Variants in LTN1 observed in about 807,000 individuals in gnomAD.
LTN1 encodes the protein E3 ubiquitin-protein ligase listerin.
LTN1 carries 88 observed loss-of-function variants against 201.2 expected under a neutral mutation model. The ratio of observed to expected loss-of-function variants is 0.44; its 90% confidence interval spans 0.37 to 0.52. LTN1 has a LOEUF of 0.52. LTN1 is among the 20% of genes least tolerant of loss of function. The probability of loss-of-function intolerance (pLI) is 0.00; values close to 1 mark genes in which losing one functional copy is unlikely to be tolerated. For synonymous variants in LTN1, 645 were observed against 713.5 expected (o/e 0.90, Z 1.53); for missense variants, 1,752 against 2,038.7 (o/e 0.86, Z 2.71).
intron 11 of LTN1, among the ~76,000 whole-genome samples, chr21:28,964,219 A>C (rs963303645): frequency 6.6e-6 from 1 of 152,194 alleles, no homozygotes; most frequent in Non-Finnish European, 1.5e-5. Flanking sequence ...TGCTACAGAG[A>C]AATCTTTCAT....
chr21:28,931,950 C>T (rs1248977409), intron 28 of LTN1, among the ~76,000 whole-genome samples: 1 of 152,024 alleles, frequency 6.6e-6, no homozygotes, highest in African/African-American at 2.4e-5. Context: ...TTGCAGTGAG[C>T]TGAGATCATG....
At position 28,981,180 on chromosome 21, in the gene LTN1, T is replaced by C; in HGVS notation, c.749A>G (p.Lys250Arg). Reference sequence around the variant, plus strand: ...ATTCTGTGATAAAAGAGACTTAAATTTCTCCTCCAGAGAATCAAGCTCATT... The same window carrying C: ...ATTCTGTGATAAAAGAGACTTAAATCTCTCCTCCAGAGAATCAAGCTCATT... Reference protein sequence around the residue: ...PDNELDSLEEKFKSLLSQNKF... With the variant: ...PDNELDSLEERFKSLLSQNKF... Residue 250 changes from lysine to arginine, a missense_variant, in exon 6 of 30, where the codon AAA becomes AGA. Lys to Arg is a conservative substitution (Grantham distance 26). This residue lies in a region of LTN1 where 280 missense variants were observed against 375.7 expected (regional missense o/e 0.75). Transcript: ENST00000361371. The C allele has an allele frequency of 6.3e-7, 1 of 1,597,316 alleles. No individual in the cohort carries two copies. The highest frequency in any genetic ancestry group is 8.5e-7 in the Non-Finnish European group (1 of 1,175,266).
intron 18 of LTN1, among the ~76,000 whole-genome samples, chr21:28,950,765 T>C (rs6516882): frequency 0.31 from 46,508 of 152,130 alleles, 7,264 homozygotes; most frequent in Middle Eastern, 0.34. Flanking sequence ...CCTCTCACTT[T>C]GGCCTTCCAA....
chr21:28,959,667 C>T lies in LTN1; in HGVS notation c.2384G>A (p.Arg795Lys). The change falls in exon 13 of 30, where the codon AGA becomes AAA. Residue 795 changes from arginine to lysine, a missense_variant. This residue lies in a region of LTN1 where 1,211 missense variants were observed against 1,312.8 expected (regional missense o/e 0.92). Transcript: ENST00000361371. ...AGTTTCATGAAGTCTAACAATGATT[C>T]TTTCAACATATACGTCTCCAATCAA... is the stretch of plus-strand genomic sequence containing the variant. Reference protein sequence around the residue: ...DYLIGDVYVERIIVRLHETLF... With the variant: ...DYLIGDVYVEKIIVRLHETLF... The T allele has an allele frequency of 6.2e-7, 1 of 1,612,756 alleles. No homozygotes were observed. The highest frequency in any genetic ancestry group is 8.5e-7 in the Non-Finnish European group (1 of 1,179,384).
intron 13 of LTN1, among the ~76,000 whole-genome samples, chr21:28,959,123 G>A (rs1181112221): frequency 1.3e-5 from 2 of 152,014 alleles, no homozygotes; most frequent in South Asian, 2.1e-4. Flanking sequence ...ATAATAAAGG[G>A]ATATTATTAT....
At chr21:28,990,947 C>T (rs2084740170) in intron 1 of LTN1, among the ~76,000 whole-genome samples, 1 of 152,062 alleles carries the variant, frequency 6.6e-6, no homozygotes, top group African/African-American at 2.4e-5. Flanking sequence ...TTAAAAAAGT[C>T]CCAGCCTGGG....
chr21:28,977,249 CT>C (rs1356360939), intron 6 of LTN1, among the ~76,000 whole-genome samples: 2 of 151,988 alleles, frequency 1.3e-5, no homozygotes, highest in East Asian at 3.9e-4. Context: ...TGGCAGGCAC[CT>C]GTAATCCCAG....
In LTN1 at chr21:28,965,855, C is replaced by G. The variant is rs1391599165; in HGVS notation, c.2163+10G>C. 7.1e-7 allele frequency: 1 copy of G among 1,414,810 alleles called. No individual in the cohort carries two copies. Among genetic ancestry groups the G allele is most frequent in the South Asian group, 1.3e-5 (1 of 77,840 alleles). The allele number at this position is 1,414,810 out of a possible 1,614,324, so 87.6% of individuals were successfully genotyped here. ...ACAAAAAAAAAAAGAAAAAAAAATC[C>G]CTAAGATACCTTTTCAATAATCTTA... On this transcript the variant is annotated intron_variant, in intron 11 of 29. Transcript: ENST00000361371.
chr21:28,929,399 CA>C lies in LTN1; in HGVS notation c.*1048del, dbSNP rs1158677451. ...TTAAGAGTGGCAAAAGGCAGGTTTT[CA>C]CTTACTCCACTTCAGCCTATTATAC... On this transcript the variant is annotated 3_prime_UTR_variant, in exon 30 of 30. Transcript: ENST00000361371. 1 of 152,446 alleles carries C rather than the reference CA, an allele frequency of 6.6e-6. No homozygotes were observed. The highest frequency in any genetic ancestry group is 1.5e-5 in the Non-Finnish European group (1 of 67,976). 9.4% of individuals were successfully genotyped at this position (152,446 alleles called of 1,614,324 possible).
intron 4 of LTN1, 68 bp downstream of exon 4, chr21:28,984,624 G>A (rs1010110965): frequency 1.8e-6 from 2 of 1,122,316 alleles, no homozygotes; most frequent in Admixed American, 4.1e-5. Context: ...TAAAAGAGCT[G>A]TCATTATGCT....
chr21:28,939,734 A>G (rs1012123384), intron 25 of LTN1, among the ~76,000 whole-genome samples: 13 of 152,216 alleles, frequency 8.5e-5, no homozygotes, highest in Non-Finnish European at 1.6e-4. Flanking sequence ...ATAAAATGAG[A>G]ACAAAACTCT....
At position 28,982,350 on chromosome 21, in the gene LTN1, T is replaced by A. The variant is rs369710979; in HGVS notation, c.595A>T (p.Ile199Leu). 26 of 1,613,742 alleles carry A rather than the reference T, an allele frequency of 1.6e-5. No individual in the cohort carries two copies. The East Asian group carries it at 5.8e-4, about 36-fold the overall frequency. The change falls in exon 5 of 30, where the codon ATA (isoleucine) becomes TTA (leucine). Residue 199 changes from isoleucine (I) to leucine (L), a missense_variant. This residue lies in a region of LTN1 where 280 missense variants were observed against 375.7 expected (regional missense o/e 0.75). Transcript: ENST00000361371. ...EITSVLQDHL[I>L]KETPDTLSDP... is the part of the protein sequence containing the mutation. Reference sequence around the variant, plus strand: ...CTGAGTGTATCAGGTGTTTCTTTTATAAGATGATCCTGCAGCACCTACAAA... The same window carrying A: ...CTGAGTGTATCAGGTGTTTCTTTTAAAAGATGATCCTGCAGCACCTACAAA...
chr21:28,938,822 C>G (rs978732401), intron 25 of LTN1, among the ~76,000 whole-genome samples: 1 of 152,072 alleles, frequency 6.6e-6, no homozygotes, highest in African/African-American at 2.4e-5. Context: ...AAGCCAGACA[C>G]AAAAGACCAG....
Position 28,953,391 on chromosome 21 carries a change from A to G in LTN1, c.3080-15T>C. ...CAGTTCTGCAACTAAAAGAAGAGAC[A>G]GCACCAAATTATGAAAAGCACTCTG... is the stretch of plus-strand genomic sequence containing the variant. On this transcript the variant is annotated splice_polypyrimidine_tract_variant and intron_variant, in intron 16 of 29. Coordinates refer to ENST00000361371, the MANE Select transcript of LTN1 (RefSeq NM_015565.3). 1.3e-6 allele frequency: 2 copies of G among 1,561,996 alleles called. No individual in the cohort carries two copies. Among genetic ancestry groups the G allele is most frequent in the Non-Finnish European group, 1.7e-6 (2 of 1,162,568 alleles).
At chr21:28,940,034 T>G (rs8184919) in intron 25 of LTN1, among the ~76,000 whole-genome samples, 24,578 of 152,228 alleles carry the variant, frequency 0.16, 2,399 homozygotes, top group East Asian at 0.49. Flanking sequence ...AATTATAATT[T>G]AAAAATTCCA....
chr21:28,950,008 AAT>A lies in LTN1; in HGVS notation c.3344+2150_3344+2151del, dbSNP rs1415469468. 5.9e-5 allele frequency among the ~76,000 whole-genome samples: 9 copies of A among 152,236 alleles called. No homozygotes were observed. In the East Asian group the frequency reaches 1.3e-3, roughly 23 times the overall value. On this transcript the variant is annotated intron_variant, in intron 18 of 29. Transcript: ENST00000361371. Reference sequence around the variant, plus strand: ...TACTGCTTAATTACTATAATTCAATAATATATGTTATATTTGGCATGCAGTCT... The same window carrying A: ...TACTGCTTAATTACTATAATTCAATAATATGTTATATTTGGCATGCAGTCT...
Position 28,984,872 on chromosome 21 carries a change from A to C in LTN1, c.396T>G (p.Leu132=). Residue 132 remains leucine (L), a synonymous_variant, in exon 4 of 30, where the codon CTT becomes CTG. Coordinates refer to ENST00000361371, the MANE Select transcript of LTN1 (RefSeq NM_015565.3). ...REATQQAFEK[L]ILKVKKQLAP... ...CCAACTGTTTCTTTACTTTAAGGAT[A>C]AGTTTTTCAAAAGCTTGTTGTGTGG... The C allele has an allele frequency of 6.2e-7, 1 of 1,614,142 alleles. No individual in the cohort carries two copies. The highest frequency in any genetic ancestry group is 8.5e-7 in the Non-Finnish European group (1 of 1,180,004).
At chr21:28,947,291 T>C (rs1427128904) in intron 19 of LTN1, among the ~76,000 whole-genome samples, 173 bp downstream of exon 19, 1 of 152,198 alleles carries the variant, frequency 6.6e-6, no homozygotes, top group Non-Finnish European at 1.5e-5. Flanking sequence ...CCCAGCATTT[T>C]TGTACTGTAA....
intron 25 of LTN1, among the ~76,000 whole-genome samples, chr21:28,939,250 ATT>A (rs1250292681): frequency 6.6e-6 from 1 of 152,184 alleles, no homozygotes; most frequent in East Asian, 1.9e-4. Flanking sequence ...ACTATATGCC[ATT>A]TTATATAAGG....
Sources: allele counts gnomAD v4.1 joint callset (sites outside exome capture counted in the v4.1 genomes callset), GRCh38; gene constraint gnomAD v4.1.1; regional missense constraint gnomAD v4.1.1; transcripts MANE v1.5; gene names NCBI Gene and HGNC (gene_info 2026-07-23, HGNC 2026-07-21).